The following INO80C variants were observed in gnomAD, a reference collection of about 807,000 sequenced individuals.
The protein encoded by INO80C is INO80 complex subunit C.
In INO80C, 17 loss-of-function variants were observed where a neutral mutation model predicts 17.7. The observed-to-expected ratio is 0.96, with a 90% confidence interval of 0.66 to 1.44. The LOEUF is 1.44. Ranked by LOEUF, INO80C falls within the 40% of genes most tolerant of loss-of-function variation. The pLI is 0.00. For missense variants in INO80C, 244 were observed against 245.0 expected (o/e 1.00, Z 0.03); for synonymous variants, 96 against 95.8 (o/e 1.00, Z -0.01).
At chr18:35,489,385 T>A (rs571289558) in intron 1 of INO80C, 75 of 252,330 alleles carry the variant, frequency 3.0e-4, no homozygotes, top group Non-Finnish European at 5.6e-4. Flanking sequence ...GAAAGGCACG[T>A]CTTACATGGC....
intron 4 of INO80C, among the ~76,000 whole-genome samples, chr18:35,475,062 A>G (rs1213801618): frequency 6.6e-6 from 1 of 152,188 alleles, no homozygotes; most frequent in Non-Finnish European, 1.5e-5. Flanking sequence ...CAGATACCAA[A>G]CCACAAATCC....
chr18:35,487,386 A>G (rs1202716037), intron 1 of INO80C: 2 of 398,454 alleles, frequency 5.0e-6, no homozygotes, highest in Non-Finnish European at 9.9e-6. Context: ...ATGGACTCAC[A>G]TTTCCACGCG....
intron 4 of INO80C, among the ~76,000 whole-genome samples, chr18:35,473,054 C>T (rs1437525434): frequency 6.6e-6 from 1 of 152,182 alleles, no homozygotes; most frequent in Non-Finnish European, 1.5e-5. Context: ...GATTCTCCCT[C>T]CTCCTAATGT....
intron 1 of INO80C, among the ~76,000 whole-genome samples, chr18:35,494,479 G>C (rs1001491118): frequency 1.3e-5 from 2 of 152,238 alleles, no homozygotes; most frequent in African/African-American, 4.8e-5. Context: ...AATATCTGAA[G>C]CATGAGAAGA....
intron 3 of INO80C, 55 bp from the exon 4 acceptor site, chr18:35,478,404 CT>C: frequency 7.6e-7 from 1 of 1,323,096 alleles, no homozygotes; most frequent in Non-Finnish European, 1.0e-6. Context: ...ATTCAAATCC[CT>C]TCTCTTTTTT....
intron 4 of INO80C, among the ~76,000 whole-genome samples, chr18:35,473,497 T>C (rs1213150843): frequency 6.6e-6 from 1 of 152,152 alleles, no homozygotes; most frequent in African/African-American, 2.4e-5. Context: ...GGAGCTGCCC[T>C]GGAAGGGAGG....
intron 3 of INO80C, 33 bp downstream of exon 3, chr18:35,479,267 T>C (rs760784449): frequency 3.7e-6 from 5 of 1,335,870 alleles, no homozygotes; most frequent in Non-Finnish European, 4.3e-6. Flanking sequence ...ACTCTGAACA[T>C]TACAAACACA....
chr18:35,477,172 A>C (rs369129786), intron 4 of INO80C, among the ~76,000 whole-genome samples: 6 of 152,340 alleles, frequency 3.9e-5, no homozygotes, highest in African/African-American at 1.4e-4. Flanking sequence ...TGAACCCAGG[A>C]GGTAGAGGCT....
At chr18:35,475,614 A>G (rs932586156) in intron 4 of INO80C, among the ~76,000 whole-genome samples, 9 of 152,140 alleles carry the variant, frequency 5.9e-5, no homozygotes, top group African/African-American at 2.2e-4. Flanking sequence ...AGACGGCTGC[A>G]GTGAGCCAAG....
chr18:35,486,125 TAAAAA>T (rs2045871670), intron 1 of INO80C, among the ~76,000 whole-genome samples: 1 of 151,928 alleles, frequency 6.6e-6, no homozygotes, highest in Non-Finnish European at 1.5e-5. Context: ...CTAAAAGAAA[TAAAAA>T]ATAAAACACA....
At chr18:35,492,903 T>C (rs1160131993) in intron 1 of INO80C, among the ~76,000 whole-genome samples, 1 of 152,250 alleles carries the variant, frequency 6.6e-6, no homozygotes, top group Non-Finnish European at 1.5e-5. Context: ...TTACCCTATA[T>C]TGATTCAGTA....
chr18:35,497,240 G>T, intron 1 of INO80C: 2 of 683,102 alleles, frequency 2.9e-6, no homozygotes, highest in Middle Eastern at 7.4e-4. Flanking sequence ...ACCTGCCTTT[G>T]GATTGGGAAA....
rs191612046 is a variant in INO80C at position 35,487,246 on chromosome 18, A to C, written c.157-6683T>G. On this transcript the variant is annotated intron_variant, in intron 1 of 4. Transcript: ENST00000334598. The stretch of plus-strand genomic sequence containing the variant: ...CATGAGGAAATATCAGACAGGCCCA[A>C]ATTGAGGAATATTCTAGAAAATAAG... 6.0e-4 allele frequency: 109 copies of C among 181,056 alleles called. 1 individual carries two copies. Among genetic ancestry groups the C allele is most frequent in the Non-Finnish European group, 1.1e-4 (9 of 84,172 alleles). 11.2% of individuals were successfully genotyped at this position (181,056 alleles called of 1,614,324 possible).
intron 1 of INO80C, among the ~76,000 whole-genome samples, chr18:35,497,097 C>T (rs149973162): frequency 6.6e-6 from 1 of 152,098 alleles, no homozygotes; most frequent in Non-Finnish European, 1.5e-5. Flanking sequence ...CAAGCCACTC[C>T]CTGCTGAAAA....
intron 1 of INO80C, chr18:35,489,506 C>T (rs2045913085): frequency 6.4e-6 from 1 of 155,042 alleles, no homozygotes; most frequent in South Asian, 1.8e-4. Flanking sequence ...AGAAACTGCC[C>T]CCATGATTTA....
At position 35,468,728 on chromosome 18, in the gene INO80C, G is replaced by A. The variant is rs757389010; in HGVS notation, c.462C>T (p.Asp154=). The A allele has an allele frequency of 1.9e-6, 3 of 1,614,166 alleles. No homozygotes were observed. The South Asian group carries it at 3.3e-5, about 18-fold the overall frequency. The change falls in exon 5 of 5, where the codon GAC becomes GAT. Residue 154 remains aspartate, a synonymous_variant. Coordinates refer to ENST00000334598, the MANE Select transcript of INO80C (RefSeq NM_194281.4). ...DVSGLLANYT[D]PQSKLRFSTI... ...TGCTGAACCGCAGTTTGCTCTGGGG[G>A]TCTGTGTAGTTGGCCTGGGTGAAAA...
chr18:35,497,897 T>TC lies in INO80C; in HGVS notation c.-24dup, dbSNP rs751653128. 5 of 1,514,468 alleles carry TC rather than the reference T, an allele frequency of 3.3e-6. No homozygotes were observed. The highest frequency in any genetic ancestry group is 1.4e-5 in the African/African-American group (1 of 69,628). The allele number at this position is 1,514,468 out of a possible 1,614,324, so 93.8% of individuals were successfully genotyped here. ...CATCGCACTCCGAGTCTTCCCCTGG[T>TC]CCCCCCACCTTTTTCCCAGCGCGGG... On this transcript the variant is annotated 5_prime_UTR_variant, in exon 1 of 5. Transcript: ENST00000334598.
intron 1 of INO80C, among the ~76,000 whole-genome samples, chr18:35,496,028 G>A (rs1401105198): frequency 1.3e-5 from 2 of 152,160 alleles, no homozygotes; most frequent in African/African-American, 4.8e-5. Flanking sequence ...TATTGTTGAG[G>A]ATTTCGAGCA....
intron 4 of INO80C, among the ~76,000 whole-genome samples, chr18:35,471,268 CCT>C (rs1363643502): frequency 6.6e-6 from 1 of 152,214 alleles, no homozygotes; most frequent in Non-Finnish European, 1.5e-5. Flanking sequence ...ATCCAAAAGT[CCT>C]CTGTCTTCCC....
Sources: gnomAD v4.1 joint callset for allele counts (sites outside exome capture counted in the v4.1 genomes callset) on GRCh38, gnomAD v4.1.1 for gene constraint, MANE v1.5 for transcripts, NCBI Gene and HGNC (gene_info 2026-07-23, HGNC 2026-07-21) for gene names.